ENOX1: variants seen among roughly 807,000 people sequenced by gnomAD.
ENOX1 encodes the protein candidate growth-related and time keeping constitutive hydroquinone (NADH) oxidase.
Under a neutral mutation model 82.5 loss-of-function variants are expected in ENOX1, and 42 were observed. The observed-to-expected ratio is 0.51, with a 90% confidence interval of 0.40 to 0.66. ENOX1 has a LOEUF of 0.66. Among genes scored for constraint, ENOX1 ranks in the 30% least tolerant of loss-of-function variants. ENOX1 has a pLI of 0.00. For missense variants in ENOX1, 608 were observed against 811.6 expected, an observed-to-expected ratio of 0.75 and a Z score of 3.05; for synonymous variants, 271 against 282.2, an observed-to-expected ratio of 0.96 and a Z score of 0.40.
chr13:43,766,859 A>G (rs1424666518), intron 1 of ENOX1, among the ~76,000 whole-genome samples: 1 of 152,218 alleles, frequency 6.6e-6, no homozygotes, highest in African/African-American at 2.4e-5. Flanking sequence ...GCAAGTTATC[A>G]TAAGCTAGTT....
chr13:43,553,938 G>A (rs562548622), intron 2 of ENOX1, among the ~76,000 whole-genome samples: 16 of 152,032 alleles, frequency 1.1e-4, no homozygotes, highest in Admixed American at 1.3e-4. Flanking sequence ...TAGTAGAGAC[G>A]GGATTTTGCC....
rs535328972 is a variant in ENOX1, at chr13:43,364,109, ATAT to A, written c.209-2660_209-2658del. Among the ~76,000 whole-genome samples the A allele has an allele frequency of 1.2e-4, 19 of 152,320 alleles. No individual in the cohort carries two copies. In the East Asian group the frequency reaches 3.7e-3, roughly 29 times the overall value. ...AAGAACCCATTACTTTTTTAACAAT[ATAT>A]GTAAAGATGGAAATTGTTTTCTCTA... On this transcript the variant is annotated intron_variant, in intron 5 of 16. Coordinates refer to ENST00000690772, the MANE Select transcript of ENOX1 (RefSeq NM_001347969.2).
intron 2 of ENOX1, among the ~76,000 whole-genome samples, chr13:43,607,745 C>T (rs2082036624): frequency 1.3e-5 from 2 of 152,180 alleles, no homozygotes. Flanking sequence ...TCCCAGCCTG[C>T]AGACTCAAGA....
chr13:43,471,362 A>G (rs932281471), intron 3 of ENOX1, among the ~76,000 whole-genome samples: 1 of 152,330 alleles, frequency 6.6e-6, no homozygotes, highest in Non-Finnish European at 1.5e-5. Flanking sequence ...CATTTGTCAG[A>G]ACTCACGGAA....
chr13:43,606,858 A>G (rs1338481086), intron 2 of ENOX1, among the ~76,000 whole-genome samples: 2 of 152,038 alleles, frequency 1.3e-5, no homozygotes, highest in African/African-American at 4.8e-5. Context: ...CTACTAAAAA[A>G]AATAGAAAAA....
chr13:43,417,082 G>A (rs1415116175), intron 3 of ENOX1, among the ~76,000 whole-genome samples: 3 of 152,310 alleles, frequency 2.0e-5, no homozygotes, highest in South Asian at 2.1e-4. Flanking sequence ...GGTGGCGTGC[G>A]CCTGCAATCC....
At chr13:43,644,395 C>T (rs1421416824) in intron 2 of ENOX1, among the ~76,000 whole-genome samples, 2 of 152,156 alleles carry the variant, frequency 1.3e-5, no homozygotes, top group Non-Finnish European at 2.9e-5. Context: ...TCTTGACTTT[C>T]CCATTAGCAT....
chr13:43,740,804 T>C (rs2089870139), intron 1 of ENOX1, among the ~76,000 whole-genome samples: 1 of 152,230 alleles, frequency 6.6e-6, no homozygotes, highest in Admixed American at 6.5e-5. Flanking sequence ...ATCCTTGTTG[T>C]AGCACGTGCC....
At chr13:43,493,841 A>C (rs1321813301) in intron 2 of ENOX1, among the ~76,000 whole-genome samples, 1 of 152,198 alleles carries the variant, frequency 6.6e-6, no homozygotes, top group Non-Finnish European at 1.5e-5. Context: ...ACGCTGCTAC[A>C]AAGAACTGCT....
chr13:43,726,509 G>A (rs939828411), intron 1 of ENOX1, among the ~76,000 whole-genome samples: 5 of 151,916 alleles, frequency 3.3e-5, no homozygotes, highest in African/African-American at 7.3e-5. Context: ...AAGCCACCAC[G>A]CCCAGCCTCA....
chr13:43,718,134 T>C (rs529880879), intron 1 of ENOX1, among the ~76,000 whole-genome samples: 4 of 152,296 alleles, frequency 2.6e-5, no homozygotes, highest in Middle Eastern at 3.4e-3. Context: ...CTCAATTTAG[T>C]TGCCCTTCGA....
chr13:43,297,665 T>C (rs1356810842), intron 12 of ENOX1, among the ~76,000 whole-genome samples: 1 of 152,202 alleles, frequency 6.6e-6, no homozygotes, highest in Non-Finnish European at 1.5e-5. Flanking sequence ...CCACAGTACC[T>C]GTTCCTTTTC....
At chr13:43,475,100 C>T (rs7319470) in intron 3 of ENOX1, among the ~76,000 whole-genome samples, 66,648 of 151,992 alleles carry the variant, frequency 0.44, 15,079 homozygotes, top group Non-Finnish European at 0.5. Flanking sequence ...ACCACATTTA[C>T]AAATTAATGT....
Position 43,489,183 on chromosome 13 carries a change from C to T in ENOX1, c.-218-5031G>A, listed in dbSNP as rs559437764. ...AGATCTTTGAGGCTGCCCCTCCCAT[C>T]ATGGGCCCAGAGTGCTAGGGCTTTG... On this transcript the variant is annotated intron_variant, in intron 2 of 16. Coordinates refer to ENST00000690772, the MANE Select transcript of ENOX1 (RefSeq NM_001347969.2). 1.8e-4 allele frequency among the ~76,000 whole-genome samples: 27 copies of T among 152,252 alleles called. No homozygotes were observed. In the South Asian group the frequency reaches 5.2e-3, roughly 29 times the overall value.
chr13:43,532,711 C>T (rs1310290150), intron 2 of ENOX1, among the ~76,000 whole-genome samples: 2 of 151,916 alleles, frequency 1.3e-5, no homozygotes, highest in African/African-American at 4.8e-5. Flanking sequence ...AATGCAGCTA[C>T]GAGGATCCAA....
intron 1 of ENOX1, among the ~76,000 whole-genome samples, chr13:43,778,963 G>A (rs773090812): frequency 4.6e-5 from 7 of 152,004 alleles, no homozygotes; most frequent in South Asian, 2.1e-4. Flanking sequence ...AATCCTTTCC[G>A]TACCTCCATC....
chr13:43,463,147 C>T (rs533099071), intron 3 of ENOX1, among the ~76,000 whole-genome samples: 39 of 152,044 alleles, frequency 2.6e-4, no homozygotes, highest in Admixed American at 1.6e-3. Context: ...GCAAATGATG[C>T]TTTTGTGAAA....
chr13:43,696,544 C>A (rs1022015665), intron 1 of ENOX1, among the ~76,000 whole-genome samples: 3 of 152,172 alleles, frequency 2.0e-5, no homozygotes, highest in East Asian at 3.9e-4. Flanking sequence ...CACAAATACA[C>A]AGTGGCTGAG....
At chr13:43,627,307 C>T (rs79285576) in intron 2 of ENOX1, among the ~76,000 whole-genome samples, 5,415 of 151,956 alleles carry the variant, frequency 0.036, 300 homozygotes, top group African/African-American at 0.12. Flanking sequence ...AGTCTGTTAT[C>T]TTTTGTTTTT....
Sources: gnomAD v4.1 joint callset for allele counts (sites outside exome capture counted in the v4.1 genomes callset) on GRCh38, gnomAD v4.1.1 for gene constraint, MANE v1.5 for transcripts, NCBI Gene and HGNC (gene_info 2026-07-23, HGNC 2026-07-21) for gene names.